Variants in CCDC158 observed in about 807,000 individuals in gnomAD.
The protein encoded by CCDC158 is coiled-coil domain containing 158.
A neutral mutation model predicts 138.6 loss-of-function variants in CCDC158; 116 were observed. That is an observed-to-expected ratio of 0.84 (90% CI 0.72 to 0.98). CCDC158 has a LOEUF of 0.98. Ranked by LOEUF, CCDC158 falls within the 50% of genes least tolerant of loss-of-function variation. The pLI, the probability that CCDC158 is intolerant of heterozygous loss-of-function variation, is 0.00. For synonymous variants in CCDC158, 436 were observed against 442.4 expected, an observed-to-expected ratio of 0.99 and a Z score of 0.18; for missense variants, 1,265 against 1,306.1, an observed-to-expected ratio of 0.97 and a Z score of 0.48.
chr4:76,366,638 A>ACACACACACACACAC (rs34680628), intron 12 of CCDC158, among the ~76,000 whole-genome samples: 1,533 of 147,946 alleles, frequency 0.01, 20 homozygotes, highest in East Asian at 0.047. Context: ...CACACACACA[A>ACACACACACACACAC]ACACACACAC....
Position 76,347,994 on chromosome 4 carries a change from A to T in CCDC158, c.2664+3002T>A, listed in dbSNP as rs138445732. ...TCAACAACAGAAATTTACTGTTCAC[A>T]GTTCAGGCTGGGAAGTGCAAGATCA... On this transcript the variant is annotated intron_variant, in intron 18 of 24. Coordinates refer to ENST00000682701, the MANE Select transcript of CCDC158 (RefSeq NM_001394954.1). Among the ~76,000 whole-genome samples, 586 of 152,280 alleles carry T rather than the reference A, an allele frequency of 3.8e-3. 2 individuals carry two copies. The highest frequency in any genetic ancestry group is 0.013 in the African/African-American group (554 of 41,560).
Position 76,384,083 on chromosome 4 carries a change from C to T in CCDC158, c.726+5G>A. 1 of 1,564,694 alleles carries T rather than the reference C, an allele frequency of 6.4e-7. No homozygotes were observed. Among genetic ancestry groups the T allele is most frequent in the African/African-American group, 1.4e-5 (1 of 73,810 alleles). On this transcript the variant is annotated splice_donor_5th_base_variant and intron_variant, in intron 6 of 24. Coordinates refer to ENST00000682701, the MANE Select transcript of CCDC158 (RefSeq NM_001394954.1). ...AATTATTTAAGTAGCATTCTCACCA[C>T]TTACTGGAAATATCCTCCCTTTAAG...
In CCDC158 at chr4:76,362,182, C is replaced by T; in HGVS notation, c.1964G>A (p.Arg655Lys). 6.2e-7 allele frequency: 1 copy of T among 1,614,052 alleles called. No homozygotes were observed. Among genetic ancestry groups the T allele is most frequent in the Non-Finnish European group, 8.5e-7 (1 of 1,179,988 alleles). Residue 655 changes from arginine (R) to lysine (K), a missense_variant, in exon 13 of 25, where the codon AGA becomes AAA. Arg to Lys is a conservative substitution (Grantham distance 26). Coordinates refer to ENST00000682701, the MANE Select transcript of CCDC158 (RefSeq NM_001394954.1). The part of the protein sequence containing the change: ...LRAVKDIKQE[R>K]DQLLNEVKTS... ...TTTCACCTCATTTAATAATTGATCTCTCTCTTGTTTGATGTCCTTCACTGC... is the reference window on the plus strand; with the variant it reads ...TTTCACCTCATTTAATAATTGATCTTTCTCTTGTTTGATGTCCTTCACTGC...
At chr4:76,324,691 TCTG>T (rs1486219335) in intron 23 of CCDC158, among the ~76,000 whole-genome samples, 1 of 152,136 alleles carries the variant, frequency 6.6e-6, no homozygotes, top group Non-Finnish European at 1.5e-5. Context: ...TGGATGCTAA[TCTG>T]CCAAGTTGAC....
At chr4:76,323,264 A>G (rs1720205575) in intron 24 of CCDC158, 38 bp downstream of exon 24, 2 of 1,432,028 alleles carry the variant, frequency 1.4e-6, no homozygotes, top group African/African-American at 2.8e-5. Flanking sequence ...GAACATTCTC[A>G]TGAGCGAGGA....
intron 22 of CCDC158, 105 bp downstream of exon 22, chr4:76,328,795 G>A (rs1033964815): frequency 2.4e-6 from 2 of 837,166 alleles, no homozygotes; most frequent in Non-Finnish European, 4.1e-6. Flanking sequence ...TGAGGCCAGA[G>A]AGTTAAAAAG....
rs1232969474 is a variant in CCDC158, at chr4:76,319,572, A to G, written c.3277+3730T>C. 3.4e-5 allele frequency among the ~76,000 whole-genome samples: 5 copies of G among 145,252 alleles called. No individual in the cohort carries two copies. The Admixed American group carries it at 3.5e-4, about 10-fold the overall frequency. ...ATATTAGCTAACTGAATCCAACACC[A>G]TATCAAAAAGATAATACACCATGAT... is the stretch of plus-strand genomic sequence containing the variant. On this transcript the variant is annotated intron_variant, in intron 24 of 24. Transcript: ENST00000682701.
intron 4 of CCDC158, among the ~76,000 whole-genome samples, chr4:76,388,173 C>T (rs945874031): frequency 6.6e-6 from 1 of 152,090 alleles, no homozygotes; most frequent in African/African-American, 2.4e-5. Context: ...CAGTGAAAGA[C>T]TCCTTCTGTT....
At chr4:76,380,549 A>G (rs1209558693) in intron 8 of CCDC158, among the ~76,000 whole-genome samples, 1 of 152,242 alleles carries the variant, frequency 6.6e-6, no homozygotes, top group Non-Finnish European at 1.5e-5. Context: ...GAAAGCATAC[A>G]GTCATATATA....
At chr4:76,388,892 A>C (rs545579170) in intron 4 of CCDC158, among the ~76,000 whole-genome samples, 2 of 152,320 alleles carry the variant, frequency 1.3e-5, no homozygotes, top group Admixed American at 1.3e-4. Context: ...TCCAGATCTT[A>C]TCCAAGACCA....
At chr4:76,348,979 A>T (rs973285705) in intron 18 of CCDC158, among the ~76,000 whole-genome samples, 1 of 152,204 alleles carries the variant, frequency 6.6e-6, no homozygotes, top group Non-Finnish European at 1.5e-5. Flanking sequence ...CTTAAGAAAG[A>T]TAGATATAAA....
At chr4:76,404,724 A>C (rs1312307359) in intron 2 of CCDC158, among the ~76,000 whole-genome samples, 1 of 152,130 alleles carries the variant, frequency 6.6e-6, no homozygotes, top group Non-Finnish European at 1.5e-5. Flanking sequence ...AAATAAAATA[A>C]AGAAGTAAAA....
At chr4:76,416,258 C>T (rs968971706) in intron 1 of CCDC158, among the ~76,000 whole-genome samples, 1 of 152,158 alleles carries the variant, frequency 6.6e-6, no homozygotes, top group African/African-American at 2.4e-5. Context: ...CTTACCCTGC[C>T]CCTTTTCTTG....
chr4:76,367,449 C>T lies in CCDC158; in HGVS notation c.1675G>A (p.Glu559Lys), dbSNP rs1724791810. 2 of 1,614,162 alleles carry T rather than the reference C, an allele frequency of 1.2e-6. No homozygotes were observed. Among genetic ancestry groups the T allele is most frequent in the Non-Finnish European group, 1.7e-6 (2 of 1,180,052 alleles). The change falls in exon 12 of 25, where the codon GAG (glutamate) becomes AAG (lysine). Residue 559 changes from glutamate (E) to lysine (K), a missense_variant. Coordinates refer to ENST00000682701, the MANE Select transcript of CCDC158 (RefSeq NM_001394954.1). ...AGAATCTCGATCACCTTGTCCTTCT[C>T]TGTCATCTGCAGTTTGAGGGCCTCA... ...ECEALKLQMT[E>K]KDKVIEILRQ...
At chr4:76,394,510 T>C (rs1172413807) in intron 4 of CCDC158, among the ~76,000 whole-genome samples, 1 of 151,608 alleles carries the variant, frequency 6.6e-6, no homozygotes, top group Non-Finnish European at 1.5e-5. Flanking sequence ...GAAGGAGAAG[T>C]GGGGATGGTT....
At chr4:76,348,153 G>A (rs369646645) in intron 18 of CCDC158, among the ~76,000 whole-genome samples, 2 of 151,672 alleles carry the variant, frequency 1.3e-5, no homozygotes, top group African/African-American at 4.8e-5. Context: ...TGCCGGGCGC[G>A]GTGGCTCAGG....
intron 24 of CCDC158, among the ~76,000 whole-genome samples, chr4:76,316,738 A>AC (rs1719424851): frequency 6.6e-6 from 1 of 152,022 alleles, no homozygotes. Flanking sequence ...ATAAAGGAAA[A>AC]CCTATCAGAT....
intron 7 of CCDC158, among the ~76,000 whole-genome samples, 198 bp downstream of exon 7, chr4:76,383,464 G>C (rs919102022): frequency 2.6e-5 from 4 of 152,050 alleles, no homozygotes; most frequent in Admixed American, 2.0e-4. Context: ...TACTCCTATT[G>C]TAATCATCTC....
rs952629074 is a variant in CCDC158 at position 76,379,280 on chromosome 4, C to A, written c.1029+10G>T. 25 of 1,557,746 alleles carry A rather than the reference C, an allele frequency of 1.6e-5. No individual in the cohort carries two copies. The highest frequency in any genetic ancestry group is 2.2e-5 in the Non-Finnish European group (25 of 1,143,190). The stretch of plus-strand genomic sequence containing the variant: ...GTCTCTAGAAACAGACCAGCAAAAC[C>A]TAAACTCACCTTGTCTTCATACATC... On this transcript the variant is annotated intron_variant, in intron 9 of 24. Coordinates refer to ENST00000682701, the MANE Select transcript of CCDC158 (RefSeq NM_001394954.1).
Sources: allele counts gnomAD v4.1 joint callset (sites outside exome capture counted in the v4.1 genomes callset), GRCh38; gene constraint gnomAD v4.1.1; transcripts MANE v1.5; gene names NCBI Gene and HGNC (gene_info 2026-07-23, HGNC 2026-07-21).